ABCC4: variants seen among roughly 807,000 people sequenced by gnomAD.
The protein encoded by ABCC4 is ATP binding cassette subfamily C member 4 (PEL blood group), also known as ATP-binding cassette sub-family C member 4.
ABCC4 carries 102 observed loss-of-function variants against 168.5 expected under a neutral mutation model. That is an observed-to-expected ratio of 0.61 (90% CI 0.52 to 0.71). The LOEUF is 0.71. Ranked by LOEUF, ABCC4 falls within the 30% of genes least tolerant of loss-of-function variation. The pLI, the probability that ABCC4 is intolerant of heterozygous loss-of-function variation, is 0.00. For missense variants in ABCC4, 1,402 were observed against 1,605.8 expected (o/e 0.87, Z 2.17); for synonymous variants, 617 against 590.7 (o/e 1.04, Z -0.65).
chr13:95,091,068 T>C (rs917240433), intron 20 of ABCC4, among the ~76,000 whole-genome samples: 4 of 152,118 alleles, frequency 2.6e-5, no homozygotes, highest in African/African-American at 7.2e-5. Context: ...GACAAGGTCT[T>C]CTAATTAACC....
At chr13:95,277,465 C>T (rs1410084562) in intron 1 of ABCC4, among the ~76,000 whole-genome samples, 1 of 151,620 alleles carries the variant, frequency 6.6e-6, no homozygotes, top group Non-Finnish European at 1.5e-5. Context: ...CCTGTAATCT[C>T]AGTTATTTGG....
In ABCC4 at chr13:95,176,223, C is replaced by CGGCGGGGGGGGGGGGGGGGGGGGGG. The variant is rs1491246023; in HGVS notation, c.1727+1483_1727+1484insCCCCCCCCCCCCCCCCCCCCCCGCC. Reference sequence around the variant, plus strand: ...TCTCAGCACTCCAGGAAGCCGAGGGCAGGGGGGGGGGGGGGGGGGGGGTGG... The same window carrying CGGCGGGGGGGGGGGGGGGGGGGGGG: ...TCTCAGCACTCCAGGAAGCCGAGGGCGGCGGGGGGGGGGGGGGGGGGGGGGAGGGGGGGGGGGGGGGGGGGGGTGG... On this transcript the variant is annotated intron_variant, in intron 13 of 30. Transcript: ENST00000645237. Among the ~76,000 whole-genome samples the CGGCGGGGGGGGGGGGGGGGGGGGGG allele has an allele frequency of 1.9e-4, 2 of 10,560 alleles. 1 individual carries two copies. The highest frequency in any genetic ancestry group is 1.0e-3 in the Non-Finnish European group (2 of 2,006). 6.9% of individuals were successfully genotyped at this position (10,560 alleles called of 152,430 possible).
At chr13:95,283,360 GGTTT>G (rs1178232584) in intron 1 of ABCC4, among the ~76,000 whole-genome samples, 42 of 124,632 alleles carry the variant, frequency 3.4e-4, no homozygotes, top group Non-Finnish European at 6.0e-4. Flanking sequence ...GTTTTTCTGT[GGTTT>G]TTTTTTTTTT....
At chr13:95,079,287 G>A (rs1278442405) in intron 21 of ABCC4, among the ~76,000 whole-genome samples, 1 of 152,138 alleles carries the variant, frequency 6.6e-6, no homozygotes. Flanking sequence ...GAACTCTTTA[G>A]GATACACTCT....
chr13:95,263,118 C>A (rs2040577681), intron 1 of ABCC4, among the ~76,000 whole-genome samples: 1 of 152,020 alleles, frequency 6.6e-6, no homozygotes, highest in Admixed American at 6.6e-5. Flanking sequence ...GTAATGTGCC[C>A]TACAGAAAAA....
chr13:95,199,199 G>A (rs2038551577), intron 8 of ABCC4, among the ~76,000 whole-genome samples: 1 of 152,104 alleles, frequency 6.6e-6, no homozygotes, highest in African/African-American at 2.4e-5. Flanking sequence ...CTATGTGTCT[G>A]CCAAGCTCTG....
intron 20 of ABCC4, among the ~76,000 whole-genome samples, chr13:95,097,816 C>T (rs949818076): frequency 1.7e-4 from 26 of 151,280 alleles, no homozygotes; most frequent in African/African-American, 6.3e-4. Context: ...TCCATAATAA[C>T]TCACTACTAA....
At chr13:95,067,971 T>C (rs1156973019) in intron 25 of ABCC4, among the ~76,000 whole-genome samples, 1 of 152,178 alleles carries the variant, frequency 6.6e-6, no homozygotes, top group Non-Finnish European at 1.5e-5. Flanking sequence ...GGTATATACC[T>C]CATTTTGGTT....
intron 1 of ABCC4, among the ~76,000 whole-genome samples, chr13:95,272,977 ACACC>A (rs1207219808): frequency 6.6e-6 from 1 of 152,194 alleles, no homozygotes; most frequent in Non-Finnish European, 1.5e-5. Flanking sequence ...ACACACACAC[ACACC>A]CCCTACAGGA....
At chr13:95,168,109 T>TC (rs1467513587) in intron 14 of ABCC4, among the ~76,000 whole-genome samples, 1 of 151,836 alleles carries the variant, frequency 6.6e-6, no homozygotes, top group Non-Finnish European at 1.5e-5. Context: ...CTCAAGTGAT[T>TC]CCCCCCGACA....
At chr13:95,195,853 C>A (rs1678382) in intron 8 of ABCC4, among the ~76,000 whole-genome samples, 1 of 151,870 alleles carries the variant, frequency 6.6e-6, no homozygotes, top group Non-Finnish European at 1.5e-5. Flanking sequence ...AGGCTGGTCT[C>A]GAACTGCTGG....
At chr13:95,254,592 CA>C (rs1173942133) in intron 1 of ABCC4, among the ~76,000 whole-genome samples, 1 of 152,218 alleles carries the variant, frequency 6.6e-6, no homozygotes, top group Non-Finnish European at 1.5e-5. Flanking sequence ...CCAGATTTTC[CA>C]AAGAAAAGAA....
intron 19 of ABCC4, 97 bp downstream of exon 19, chr13:95,161,092 C>T: frequency 2.4e-6 from 2 of 836,428 alleles, no homozygotes; most frequent in Non-Finnish European, 3.1e-6. Context: ...GATTTTCTTC[C>T]CAGCATCCCT....
At chr13:95,089,892 A>G (rs899003877) in intron 20 of ABCC4, among the ~76,000 whole-genome samples, 2 of 152,070 alleles carry the variant, frequency 1.3e-5, no homozygotes, top group African/African-American at 2.4e-5. Flanking sequence ...AAAAAAAAAA[A>G]GAAGCCAATC....
chr13:95,163,963 C>T (rs1282107141), intron 16 of ABCC4, among the ~76,000 whole-genome samples: 2 of 150,762 alleles, frequency 1.3e-5, no homozygotes, highest in African/African-American at 4.9e-5. Flanking sequence ...ATTGCTTAAA[C>T]CCCAGAGGCA....
chr13:95,124,787 A>T (rs2478464), intron 19 of ABCC4, among the ~76,000 whole-genome samples: 70,432 of 147,352 alleles, frequency 0.48, 17,640 homozygotes, highest in South Asian at 0.69. Flanking sequence ...AGGCTGAGGC[A>T]GAATTGCCTG....
intron 19 of ABCC4, among the ~76,000 whole-genome samples, chr13:95,117,150 C>T (rs2035405894): frequency 6.6e-6 from 1 of 151,928 alleles, no homozygotes; most frequent in Non-Finnish European, 1.5e-5. Context: ...CTCCAGAAAG[C>T]ATCATTCAGT....
intron 19 of ABCC4, among the ~76,000 whole-genome samples, chr13:95,148,352 T>C (rs1007464499): frequency 6.6e-6 from 1 of 152,122 alleles, no homozygotes; most frequent in Non-Finnish European, 1.5e-5. Flanking sequence ...TCTAAAGTCA[T>C]GCTTTTTACC....
rs370427240 is a variant in ABCC4 at position 95,089,342 on chromosome 13, G to A, written c.2536-6052C>T. On this transcript the variant is annotated intron_variant, in intron 20 of 30. Coordinates refer to ENST00000645237, the MANE Select transcript of ABCC4 (RefSeq NM_005845.5). Reference sequence around the variant, plus strand: ...AAACTGTGTTAAGAACACTAAGTCCGGGCCCGGTGACTCACACCTGTAATC... The same window carrying A: ...AAACTGTGTTAAGAACACTAAGTCCAGGCCCGGTGACTCACACCTGTAATC... 5.9e-5 allele frequency among the ~76,000 whole-genome samples: 9 copies of A among 152,218 alleles called. No individual in the cohort carries two copies. In the East Asian group the frequency reaches 7.7e-4, roughly 13 times the overall value.
Sources: allele counts gnomAD v4.1 joint callset (sites outside exome capture counted in the v4.1 genomes callset), GRCh38; gene constraint gnomAD v4.1.1; transcripts MANE v1.5; gene names NCBI Gene and HGNC (gene_info 2026-07-23, HGNC 2026-07-21).